The following TSEN15 variants were observed in gnomAD, a reference collection of about 807,000 sequenced individuals.
The protein encoded by TSEN15 is tRNA-splicing endonuclease subunit Sen15.
TSEN15 carries 10 observed loss-of-function variants against 20.5 expected under a neutral mutation model. That is an observed-to-expected ratio of 0.49 (90% CI 0.30 to 0.83). The LOEUF is 0.83. Among genes scored for constraint, TSEN15 ranks in the 40% least tolerant of loss-of-function variants. The probability of loss-of-function intolerance (pLI) is 0.06; values close to 1 mark genes in which losing one functional copy is unlikely to be tolerated. For synonymous variants in TSEN15, 72 were observed against 80.1 expected (o/e 0.90, Z 0.54); for missense variants, 180 against 218.6 (o/e 0.82, Z 1.11).
Position 184,073,067 on chromosome 1 carries a change from GAGACAGTTTAATTAC to G in TSEN15, c.*223_*237del. 1.8e-6 allele frequency: 1 copy of G among 540,568 alleles called. No individual in the cohort carries two copies. The highest frequency in any genetic ancestry group is 3.2e-6 in the Non-Finnish European group (1 of 310,750). The allele number at this position is 540,568 out of a possible 1,614,324, so 33.5% of individuals were successfully genotyped here. ...GATTTCTTTAAAACTTTGTTATCTAGAGACAGTTTAATTACAGTTATATACAGGTTTATGCCTAGG... is the reference window on the plus strand; with the variant it reads ...GATTTCTTTAAAACTTTGTTATCTAGAGTTATATACAGGTTTATGCCTAGG... On this transcript the variant is annotated 3_prime_UTR_variant, in exon 5 of 5. Coordinates refer to ENST00000645668, the MANE Select transcript of TSEN15 (RefSeq NM_052965.4).
chr1:184,072,640 T>C (rs1650928311), intron 4 of TSEN15, 187 bp from the exon 5 acceptor site: 3 of 629,610 alleles, frequency 4.8e-6, no homozygotes, highest in Middle Eastern at 4.1e-4. Flanking sequence ...AAAACGCTTA[T>C]TTAAGAAATG....
chr1:184,091,089 C>T (rs1183828024), intron 3 of TSEN15, among the ~76,000 whole-genome samples: 1 of 152,206 alleles, frequency 6.6e-6, no homozygotes, highest in Non-Finnish European at 1.5e-5. Context: ...CCTCTAGTCT[C>T]AGTACCACTC....
Position 184,072,954 on chromosome 1 carries a change from G to T in TSEN15, c.*107G>T. 1.9e-6 allele frequency: 2 copies of T among 1,079,946 alleles called. No homozygotes were observed. The highest frequency in any genetic ancestry group is 2.7e-6 in the Non-Finnish European group (2 of 739,924). The allele number at this position is 1,079,946 out of a possible 1,614,324, so 66.9% of individuals were successfully genotyped here. ...AATAGGGTTGACGTACATAGTGAGG[G>T]TTGACTTCCCCATTCCATAAGGTTT... On this transcript the variant is annotated 3_prime_UTR_variant, in exon 5 of 5. Coordinates refer to ENST00000645668, the MANE Select transcript of TSEN15 (RefSeq NM_052965.4).
chr1:184,094,639 G>A (rs937088882), intron 3 of TSEN15: 3 of 171,872 alleles, frequency 1.7e-5, no homozygotes, highest in African/African-American at 7.1e-5. Context: ...ATAATTCTGT[G>A]CCATAGCAGG....
downstream of TSEN15, among the ~76,000 whole-genome samples, chr1:184,078,586 G>A (rs1056962183): frequency 6.6e-6 from 1 of 152,102 alleles, no homozygotes; most frequent in African/African-American, 2.4e-5. Context: ...GGGAAGCTCA[G>A]TGGAATACTA....
intron 1 of TSEN15, 146 bp downstream of exon 1, chr1:184,052,036 A>G: frequency 2.3e-6 from 2 of 852,642 alleles, no homozygotes; most frequent in Non-Finnish European, 3.2e-6. Flanking sequence ...CACAACTGCC[A>G]GCCTCAGGCA....
At chr1:184,061,273 C>T (rs781573738) in intron 3 of TSEN15, among the ~76,000 whole-genome samples, 1 of 152,126 alleles carries the variant, frequency 6.6e-6, no homozygotes, top group Non-Finnish European at 1.5e-5. Context: ...TTGTAAATCA[C>T]CATTTTAGAC....
chr1:184,069,741 C>T (rs1650816753), intron 3 of TSEN15, among the ~76,000 whole-genome samples: 1 of 151,950 alleles, frequency 6.6e-6, no homozygotes, highest in Non-Finnish European at 1.5e-5. Context: ...TGGAAACAAA[C>T]AAGAAAGGTC....
intron 3 of TSEN15, among the ~76,000 whole-genome samples, chr1:184,066,606 A>G (rs1287642136): frequency 6.6e-6 from 1 of 152,064 alleles, no homozygotes; most frequent in Non-Finnish European, 1.5e-5. Flanking sequence ...GGGTTTCACC[A>G]TGTTGGCTAG....
chr1:184,053,867 T>C (rs1264754549), intron 1 of TSEN15, among the ~76,000 whole-genome samples: 2 of 152,210 alleles, frequency 1.3e-5, no homozygotes, highest in Admixed American at 6.5e-5. Flanking sequence ...ACATGTCCCA[T>C]CACAAGTTTT....
chr1:184,079,816 ATACTGTGG>A (rs2102900491), intron 3 of TSEN15, among the ~76,000 whole-genome samples: 1 of 152,284 alleles, frequency 6.6e-6, no homozygotes, highest in East Asian at 1.9e-4. Context: ...CTGTGCTCAG[ATACTGTGG>A]TAAGTCTAGG....
intron 3 of TSEN15, among the ~76,000 whole-genome samples, chr1:184,056,243 A>T (rs191806351): frequency 2.0e-5 from 3 of 152,258 alleles, no homozygotes; most frequent in Admixed American, 1.3e-4. Context: ...TGTCTCTCAC[A>T]TTTAGTATTG....
chr1:184,076,520 G>A (rs892811077), downstream of TSEN15, among the ~76,000 whole-genome samples: 2 of 152,076 alleles, frequency 1.3e-5, no homozygotes, highest in African/African-American at 4.8e-5. Flanking sequence ...GCCTCTATGT[G>A]TTCAAGTAAA....
chr1:184,054,614 A>G, intron 2 of TSEN15, 114 bp from the exon 3 acceptor site: 1 of 1,326,450 alleles, frequency 7.5e-7, no homozygotes, highest in East Asian at 2.5e-5. Flanking sequence ...AAAAGCAAAG[A>G]CAGGAGGTAG....
chr1:184,091,891 C>T (rs1283196436), intron 3 of TSEN15, among the ~76,000 whole-genome samples: 1 of 152,196 alleles, frequency 6.6e-6, no homozygotes, highest in Non-Finnish European at 1.5e-5. Context: ...GTTAATTGTC[C>T]TGGTAAATTT....
chr1:184,094,080 G>T (rs1278976524), intron 3 of TSEN15: 1 of 152,078 alleles, frequency 6.6e-6, no homozygotes, highest in Non-Finnish European at 1.5e-5. Context: ...CCCTCATAGG[G>T]TCGCTGAGCT....
At position 184,054,775 on chromosome 1, in the gene TSEN15, C is replaced by G; in HGVS notation, c.265C>G (p.Leu89Val). 1 of 1,612,308 alleles carries G rather than the reference C, an allele frequency of 6.2e-7. No individual in the cohort carries two copies. Among genetic ancestry groups the G allele is most frequent in the Non-Finnish European group, 8.5e-7 (1 of 1,179,628 alleles). ...VNCVGLPELQ[L>V]ICLVGTEIEG... ...CTGTGTAGGATTACCAGAACTCCAG[C>G]TCATCTGCCTTGTTGGTACTGAGAT... The change falls in exon 3 of 5, where the codon CTC becomes GTC. Residue 89 changes from leucine to valine, a missense_variant. Leu to Val is a conservative substitution (Grantham distance 32). Coordinates refer to ENST00000645668, the MANE Select transcript of TSEN15 (RefSeq NM_052965.4).
intron 3 of TSEN15, chr1:184,095,640 TC>T: frequency 6.4e-6 from 1 of 157,290 alleles, no homozygotes; most frequent in Non-Finnish European, 1.2e-5. Context: ...CTTCTCTCTC[TC>T]TCTCTCTCTC....
chr1:184,059,658 C>T (rs1387648573), intron 3 of TSEN15, among the ~76,000 whole-genome samples: 1 of 152,118 alleles, frequency 6.6e-6, no homozygotes, highest in Non-Finnish European at 1.5e-5. Context: ...GCAGTCTCCG[C>T]CTCCCGGGTT....
Sources: allele counts gnomAD v4.1 joint callset (sites outside exome capture counted in the v4.1 genomes callset), GRCh38; gene constraint gnomAD v4.1.1; transcripts MANE v1.5; gene names NCBI Gene and HGNC (gene_info 2026-07-23, HGNC 2026-07-21).